Variants in KBTBD12 observed in about 807,000 individuals in gnomAD.
KBTBD12 encodes the protein kelch repeat and BTB domain-containing protein 12.
In KBTBD12, 53 loss-of-function variants were observed where a neutral mutation model predicts 58.7. The observed-to-expected ratio is 0.90, with a 90% CI of 0.72 to 1.14. The LOEUF is 1.14. Ranked by LOEUF, KBTBD12 falls within the 50% of genes most tolerant of loss-of-function variation. The probability of loss-of-function intolerance (pLI) is 0.00; values close to 1 mark genes in which losing one functional copy is unlikely to be tolerated. For synonymous variants in KBTBD12, 236 were observed against 259.8 expected (o/e 0.91, Z 0.88); for missense variants, 704 against 751.3 (o/e 0.94, Z 0.74).
intron 5 of KBTBD12, among the ~76,000 whole-genome samples, chr3:127,970,302 A>T (rs1940659310): frequency 6.6e-6 from 1 of 152,164 alleles, no homozygotes; most frequent in Admixed American, 6.5e-5. Context: ...AGGTTTGGAG[A>T]AATCAAAACC....
intron 4 of KBTBD12, among the ~76,000 whole-genome samples, chr3:127,942,655 T>C (rs1336476820): frequency 2.0e-5 from 3 of 147,996 alleles, no homozygotes; most frequent in African/African-American, 4.9e-5. Flanking sequence ...ACTATATATA[T>C]AACTACATAT....
intron 4 of KBTBD12, among the ~76,000 whole-genome samples, chr3:127,959,714 A>G (rs887037212): frequency 6.6e-6 from 1 of 152,260 alleles, no homozygotes; most frequent in Non-Finnish European, 1.5e-5. Flanking sequence ...TATACAACAA[A>G]TGGGAGTTCC....
chr3:127,938,726 G>T (rs558359218), intron 4 of KBTBD12, among the ~76,000 whole-genome samples: 13 of 152,098 alleles, frequency 8.5e-5, no homozygotes, highest in Non-Finnish European at 1.8e-4. Context: ...AAAGAAAGCT[G>T]GTATAGCTGT....
At chr3:127,939,043 T>C (rs1476007937) in intron 4 of KBTBD12, among the ~76,000 whole-genome samples, 2 of 152,188 alleles carry the variant, frequency 1.3e-5, no homozygotes, top group Non-Finnish European at 2.9e-5. Context: ...CAAGAAAATC[T>C]GTCTGGCTCC....
At chr3:127,961,093 C>A (rs1374079870) in intron 4 of KBTBD12, among the ~76,000 whole-genome samples, 1 of 152,146 alleles carries the variant, frequency 6.6e-6, no homozygotes, top group Non-Finnish European at 1.5e-5. Context: ...GTAATACAAA[C>A]CAGCCTAGTA....
At position 127,984,108 on chromosome 3, in the gene KBTBD12, G is replaced by A; in HGVS notation, c.1702G>A (p.Val568Ile). 6.2e-7 allele frequency: 1 copy of A among 1,613,252 alleles called. No homozygotes were observed. ...TTGCTGTTTTTCAGATCGCCATGAG[G>A]TTATCTCCAAAGAAATATTGGAACT... The part of the protein sequence containing the change: ...GGFHGADRHE[V>I]ISKEILELDP... Residue 568 changes from valine (V) to isoleucine (I), a missense_variant, in exon 6 of 6, where the codon GTT becomes ATT. Coordinates refer to ENST00000405109, the MANE Select transcript of KBTBD12 (RefSeq NM_207335.4).
chr3:127,969,247 A>T (rs980655672), intron 5 of KBTBD12, among the ~76,000 whole-genome samples: 7 of 152,198 alleles, frequency 4.6e-5, no homozygotes, highest in African/African-American at 1.7e-4. Flanking sequence ...ACATAAGACC[A>T]TACGCCAAAA....
At position 127,923,702 on chromosome 3, in the gene KBTBD12, T is replaced by C; in HGVS notation, c.641T>C (p.Val214Ala). ...HNKELRTVHL[V>A]ELLKQVRLEL... is the part of the protein sequence containing the mutation. ...AAAGAATTGCGTACAGTGCATCTTG[T>C]TGAGCTTTTGAAGCAAGTCAGATTG... is the stretch of plus-strand genomic sequence containing the variant. Residue 214 changes from valine to alanine, a missense_variant, in exon 2 of 6, where the codon GTT (valine) becomes GCT (alanine). By Grantham distance (64) the Val-to-Ala change is moderately conservative (BLOSUM62 0). Coordinates refer to ENST00000405109, the MANE Select transcript of KBTBD12 (RefSeq NM_207335.4). 2.5e-6 allele frequency: 4 copies of C among 1,613,886 alleles called. No individual in the cohort carries two copies. The highest frequency in any genetic ancestry group is 3.4e-6 in the Non-Finnish European group (4 of 1,179,828).
At position 127,985,617 on chromosome 3, in the gene KBTBD12, A is replaced by C. The variant is rs1480390323; in HGVS notation, c.*1339A>C. The C allele has an allele frequency of 6.6e-6, 1 of 152,276 alleles. No homozygotes were observed. The highest frequency in any genetic ancestry group is 1.5e-5 in the Non-Finnish European group (1 of 68,116). The allele number at this position is 152,276 out of a possible 1,614,324, so 9.4% of individuals were successfully genotyped here. A position where few individuals can be genotyped will look rare whatever the true frequency, so the allele number is the denominator to read the frequency against. The stretch of plus-strand genomic sequence containing the variant: ...GTGATGACCGCTAGCCTGTGCCCCT[A>C]GGTTCCAGCTGCCCACCAGGCAGGA... On this transcript the variant is annotated 3_prime_UTR_variant, in exon 6 of 6. Transcript: ENST00000405109.
At chr3:127,942,168 T>C (rs1453339770) in intron 4 of KBTBD12, among the ~76,000 whole-genome samples, 1 of 152,210 alleles carries the variant, frequency 6.6e-6, no homozygotes, top group Non-Finnish European at 1.5e-5. Flanking sequence ...GTCAATCATT[T>C]ACTTTTAAAA....
At chr3:127,962,814 T>G (rs1012875608) in intron 4 of KBTBD12, among the ~76,000 whole-genome samples, 1 of 152,154 alleles carries the variant, frequency 6.6e-6, no homozygotes, top group African/African-American at 2.4e-5. Context: ...GCAAAAGCAT[T>G]GCTAACCATC....
Position 127,923,811 on chromosome 3 carries a change from T to G in KBTBD12, c.750T>G (p.Ile250Met). 1 of 1,613,902 alleles carries G rather than the reference T, an allele frequency of 6.2e-7. No individual in the cohort carries two copies. ...LLCDADCVDI[I>M]QNAFKAIKTP... ...GTGATGCAGATTGTGTTGACATAAT[T>G]CAAAATGCATTCAAAGCCATCAAGA... is the stretch of plus-strand genomic sequence containing the variant. The change falls in exon 2 of 6, where the codon ATT becomes ATG. Residue 250 changes from isoleucine (I) to methionine (M), a missense_variant. Ile to Met is a conservative substitution (Grantham distance 10). Transcript: ENST00000405109.
intron 3 of KBTBD12, among the ~76,000 whole-genome samples, chr3:127,928,590 G>T (rs1376843950): frequency 1.3e-5 from 2 of 152,200 alleles, no homozygotes; most frequent in Non-Finnish European, 2.9e-5. Flanking sequence ...TGAAGTGATG[G>T]CAAACCAAAG....
At chr3:127,956,275 A>C (rs954396178) in intron 4 of KBTBD12, among the ~76,000 whole-genome samples, 2 of 152,140 alleles carry the variant, frequency 1.3e-5, no homozygotes, top group South Asian at 4.1e-4. Context: ...CCCAAATTGC[A>C]ACTTAGCTAT....
intron 5 of KBTBD12, among the ~76,000 whole-genome samples, chr3:127,977,346 T>A (rs1248094616): frequency 2.0e-5 from 3 of 152,224 alleles, no homozygotes; most frequent in African/African-American, 7.2e-5. Context: ...TTTGGGTGTA[T>A]CCCCAATAAT....
intron 1 of KBTBD12, among the ~76,000 whole-genome samples, chr3:127,919,874 T>C (rs1484524553): frequency 1.3e-5 from 2 of 152,188 alleles, no homozygotes; most frequent in Non-Finnish European, 2.9e-5. Flanking sequence ...GCTGTGACCC[T>C]AATGCAGTTT....
At chr3:127,949,089 G>A (rs1940149030) in intron 4 of KBTBD12, among the ~76,000 whole-genome samples, 2 of 152,150 alleles carry the variant, frequency 1.3e-5, no homozygotes, top group South Asian at 2.1e-4. Context: ...AAAGCTGGCA[G>A]GGAAGACACA....
At chr3:127,943,390 C>G (rs1940001040) in intron 4 of KBTBD12, among the ~76,000 whole-genome samples, 1 of 151,936 alleles carries the variant, frequency 6.6e-6, no homozygotes, top group South Asian at 2.1e-4. Context: ...TGATGTCTCA[C>G]TGTGGTTTGG....
intron 4 of KBTBD12, among the ~76,000 whole-genome samples, chr3:127,961,742 C>T (rs377282766): frequency 4.6e-5 from 7 of 152,102 alleles, no homozygotes; most frequent in Non-Finnish European, 8.8e-5. Context: ...CAACACACAA[C>T]GTGTCAGGCA....
Sources: allele counts gnomAD v4.1 joint callset (sites outside exome capture counted in the v4.1 genomes callset), GRCh38; gene constraint gnomAD v4.1.1; transcripts MANE v1.5; gene names NCBI Gene and HGNC (gene_info 2026-07-23, HGNC 2026-07-21).